Variants in RAI14 observed in about 807,000 individuals in gnomAD.
RAI14 encodes retinoic acid induced 14.
RAI14 carries 45 observed loss-of-function variants against 115.4 expected under a neutral mutation model. The observed-to-expected ratio is 0.39, with a 90% confidence interval of 0.31 to 0.50. The LOEUF (loss-of-function observed/expected upper bound fraction) is 0.50. Ranked by LOEUF, RAI14 falls within the 20% of genes least tolerant of loss-of-function variation. RAI14 has a pLI of 0.85. For missense variants in RAI14, 939 were observed against 1,131.2 expected (o/e 0.83, Z 2.44); for synonymous variants, 371 against 415.4 (o/e 0.89, Z 1.30).
chr5:34,818,842 A>T lies in RAI14; in HGVS notation c.985A>T (p.Ser329Cys). ...AGAAAACAAAGACAGACTAAGTGAC[A>T]GTACTACAGGTAAGACAAGGAAGCA... is the stretch of plus-strand genomic sequence containing the variant. Reference protein sequence around the residue: ...IRENKDRLSDSTTGADSLLDI... With the variant: ...IRENKDRLSDCTTGADSLLDI... The change falls in exon 13 of 18, where the codon AGT becomes TGT. Residue 329 changes from serine (S) to cysteine (C), a missense_variant. By Grantham distance (112) the Ser-to-Cys change is moderately radical. Transcript: ENST00000265109. 6.2e-7 allele frequency: 1 copy of T among 1,609,328 alleles called. No individual in the cohort carries two copies. Among genetic ancestry groups the T allele is most frequent in the Non-Finnish European group, 8.5e-7 (1 of 1,177,720 alleles).
intron 1 of RAI14, among the ~76,000 whole-genome samples, chr5:34,672,919 C>T (rs1743720188): frequency 1.3e-5 from 2 of 151,292 alleles, no homozygotes; most frequent in South Asian, 4.2e-4. Context: ...TTTTCCTATT[C>T]CTCCTTAGCC....
intron 2 of RAI14, among the ~76,000 whole-genome samples, chr5:34,746,100 C>T (rs10064327): frequency 8.0e-6 from 1 of 124,842 alleles, no homozygotes; most frequent in African/African-American, 3.2e-5. Flanking sequence ...CTCCCCCCCC[C>T]GCCTTTTTTT....
rs774164175 is a variant in RAI14, at chr5:34,811,962, A to G, written c.736+17A>G. On this transcript the variant is annotated intron_variant, in intron 9 of 17. Coordinates refer to ENST00000265109, the MANE Select transcript of RAI14 (RefSeq NM_015577.3). The stretch of plus-strand genomic sequence containing the variant: ...AGGATGCTGGTATGTAAAAGAAAAT[A>G]GCCAATGTTGTTTTAAGTTTATCCA... 1 of 1,589,504 alleles carries G rather than the reference A, an allele frequency of 6.3e-7. No individual in the cohort carries two copies. Among genetic ancestry groups the G allele is most frequent in the Non-Finnish European group, 8.6e-7 (1 of 1,164,098 alleles).
At chr5:34,793,439 G>A (rs967700129) in intron 3 of RAI14, among the ~76,000 whole-genome samples, 1 of 152,148 alleles carries the variant, frequency 6.6e-6, no homozygotes, top group East Asian at 1.9e-4. Context: ...TATCACATGG[G>A]GAAGGGGGTT....
At chr5:34,678,541 G>A (rs1744162781) in intron 1 of RAI14, among the ~76,000 whole-genome samples, 1 of 152,186 alleles carries the variant, frequency 6.6e-6, no homozygotes, top group Admixed American at 6.5e-5. Context: ...TTAGGATGCA[G>A]ACACACACAG....
chr5:34,750,093 G>A (rs116195627), intron 2 of RAI14, among the ~76,000 whole-genome samples: 1,681 of 152,232 alleles, frequency 0.011, 27 homozygotes, highest in African/African-American at 0.038. Context: ...CACCATTTTA[G>A]GTACCTAGTA....
chr5:34,705,113 A>C (rs1422909547), intron 2 of RAI14, among the ~76,000 whole-genome samples: 1 of 152,186 alleles, frequency 6.6e-6, no homozygotes, highest in East Asian at 1.9e-4. Flanking sequence ...TATTTTCATA[A>C]ATTTAAATTT....
Position 34,754,575 on chromosome 5 carries a change from C to T in RAI14, c.37-2893C>T, listed in dbSNP as rs957565962. Among the ~76,000 whole-genome samples, 17 of 131,508 alleles carry T rather than the reference C, an allele frequency of 1.3e-4. 1 individual carries two copies. The highest frequency in any genetic ancestry group is 4.0e-4 in the African/African-American group (16 of 39,914). 86.3% of individuals were successfully genotyped at this position (131,508 alleles called of 152,430 possible). ...CCAACCTAGCTCTGCTTACTGTGAA[C>T]CCCATCTGCAGCACTTCTTGAATGG... is the stretch of plus-strand genomic sequence containing the variant. On this transcript the variant is annotated intron_variant, in intron 2 of 17. Coordinates refer to ENST00000265109, the MANE Select transcript of RAI14 (RefSeq NM_015577.3).
chr5:34,741,122 G>GC (rs1580094198), intron 2 of RAI14, among the ~76,000 whole-genome samples: 1 of 152,104 alleles, frequency 6.6e-6, no homozygotes, highest in Non-Finnish European at 1.5e-5. Context: ...TCCCCTCCAA[G>GC]CCAGAAAAAA....
In RAI14 at chr5:34,831,044, A is replaced by AG. The variant is rs568688168; in HGVS notation, c.*285dup. 9.1e-6 allele frequency: 4 copies of AG among 437,556 alleles called. No individual in the cohort carries two copies. The South Asian group carries it at 1.0e-4, about 11-fold the overall frequency. The allele number at this position is 437,556 out of a possible 1,614,324, so 27.1% of individuals were successfully genotyped here. On this transcript the variant is annotated 3_prime_UTR_variant, in exon 18 of 18. Transcript: ENST00000265109. ...CCAGAGGTCTGGTCCTGATGCTGGC[A>AG]GGGGGGCCCCCTCCTCCATCCCTGA...
intron 2 of RAI14, among the ~76,000 whole-genome samples, chr5:34,754,913 T>C (rs1382246208): frequency 6.6e-6 from 1 of 152,218 alleles, no homozygotes; most frequent in Non-Finnish European, 1.5e-5. Flanking sequence ...AATCCTTTCA[T>C]GCGGCCGTTC....
At chr5:34,814,727 C>G (rs945663312) in intron 12 of RAI14, 58 bp downstream of exon 12, 1 of 1,332,446 alleles carries the variant, frequency 7.5e-7, no homozygotes. Context: ...GATAGACTTG[C>G]TTTAAGTTAT....
intron 2 of RAI14, among the ~76,000 whole-genome samples, chr5:34,734,953 C>T (rs1257592407): frequency 6.6e-6 from 1 of 152,148 alleles, no homozygotes; most frequent in Admixed American, 6.5e-5. Context: ...GCCACCACAC[C>T]CAACCATCTC....
intron 2 of RAI14, among the ~76,000 whole-genome samples, chr5:34,750,847 C>CCTTTTTTTTT (rs1561309335): frequency 1.6e-5 from 1 of 62,448 alleles, no homozygotes; most frequent in Non-Finnish European, 3.2e-5. Flanking sequence ...TTTGCTTTAT[C>CCTTTTTTTTT]ATTTTTTTTT....
At chr5:34,810,714 C>T (rs1755480326) in intron 7 of RAI14, among the ~76,000 whole-genome samples, 1 of 152,134 alleles carries the variant, frequency 6.6e-6, no homozygotes, top group Non-Finnish European at 1.5e-5. Context: ...AGCCTTTACA[C>T]ACTTTGTGTT....
chr5:34,817,105 G>A (rs1188104723), intron 12 of RAI14, among the ~76,000 whole-genome samples: 1 of 151,568 alleles, frequency 6.6e-6, no homozygotes, highest in Admixed American at 6.6e-5. Context: ...GTGAAACCCC[G>A]TCTCTACTAA....
chr5:34,732,893 G>T (rs1050271437), intron 2 of RAI14, among the ~76,000 whole-genome samples: 1 of 151,354 alleles, frequency 6.6e-6, no homozygotes, highest in Non-Finnish European at 1.5e-5. Flanking sequence ...TGATAATAAG[G>T]CTATAATTAA....
chr5:34,770,249 C>G (rs1749980583), intron 3 of RAI14, among the ~76,000 whole-genome samples: 1 of 152,146 alleles, frequency 6.6e-6, no homozygotes, highest in South Asian at 2.1e-4. Flanking sequence ...CAAAATCGAG[C>G]TCATGTCATA....
intron 2 of RAI14, among the ~76,000 whole-genome samples, chr5:34,752,807 G>T (rs1027106631): frequency 7.0e-6 from 1 of 142,724 alleles, no homozygotes; most frequent in Non-Finnish European, 1.5e-5. Flanking sequence ...TTGGGTTGTC[G>T]CCCAGGTTGG....
Sources: gnomAD v4.1 joint callset for allele counts (sites outside exome capture counted in the v4.1 genomes callset) on GRCh38, gnomAD v4.1.1 for gene constraint, MANE v1.5 for transcripts, NCBI Gene and HGNC (gene_info 2026-07-23, HGNC 2026-07-21) for gene names.